TRPS1: variants seen among roughly 807,000 people sequenced by gnomAD.
The protein encoded by TRPS1 is transcriptional repressor GATA binding 1.
A neutral mutation model predicts 101.2 loss-of-function variants in TRPS1; 6 were observed. That is an observed-to-expected ratio of 0.06 (90% confidence interval 0.03 to 0.12). The LOEUF is 0.12. Ranked by LOEUF, TRPS1 falls within the 10% of genes least tolerant of loss-of-function variation. TRPS1 has a pLI of 1.00. For missense variants in TRPS1, 1,363 were observed against 1,567.0 expected (o/e 0.87, Z 2.20); for synonymous variants, 578 against 589.8 (o/e 0.98, Z 0.29).
chr8:115,584,308 G>A (rs1485063441), intron 5 of TRPS1, among the ~76,000 whole-genome samples: 5 of 151,728 alleles, frequency 3.3e-5, no homozygotes, highest in African/African-American at 1.2e-4. Flanking sequence ...CTCTATTAAT[G>A]CTATATTGAA....
chr8:115,535,216 T>C (rs1816262847), intron 5 of TRPS1, among the ~76,000 whole-genome samples: 1 of 144,558 alleles, frequency 6.9e-6, no homozygotes, highest in South Asian at 2.1e-4. Flanking sequence ...ATGTATAGCA[T>C]ATATAGCATA....
intron 1 of TRPS1, among the ~76,000 whole-genome samples, chr8:115,627,429 T>C (rs145660788): frequency 1.3e-5 from 2 of 151,920 alleles, no homozygotes; most frequent in African/African-American, 2.4e-5. Flanking sequence ...ACTTCATCCC[T>C]ACTTCTCTGT....
chr8:115,535,293 T>TAGCATATATAGAGCATATATAG lies in TRPS1; in HGVS notation c.2700+51707_2700+51708insCTATATATGCTCTATATATGCT, dbSNP rs1563583083. 7.1e-3 allele frequency among the ~76,000 whole-genome samples: 753 copies of TAGCATATATAGAGCATATATAG among 106,470 alleles called. 72 individuals are homozygous for TAGCATATATAGAGCATATATAG. Among genetic ancestry groups the TAGCATATATAGAGCATATATAG allele is most frequent in the African/African-American group, 0.022 (671 of 30,334 alleles). 69.8% of individuals were successfully genotyped at this position (106,470 alleles called of 152,430 possible). A position where few individuals can be genotyped will look rare whatever the true frequency, so the allele number is the denominator to read the frequency against. Reference sequence around the variant, plus strand: ...ATATATAGCATATATAGCATATATATAGCATATATATAGCATATATAGCAT... The same window carrying TAGCATATATAGAGCATATATAG: ...ATATATAGCATATATAGCATATATATAGCATATATAGAGCATATATAGAGCATATATATAGCATATATAGCAT... On this transcript the variant is annotated intron_variant, in intron 5 of 6. Coordinates refer to ENST00000395715, the MANE Select transcript of TRPS1 (RefSeq NM_014112.5).
intron 5 of TRPS1, among the ~76,000 whole-genome samples, chr8:115,518,510 G>A (rs1055344764): frequency 5.9e-5 from 9 of 151,618 alleles, no homozygotes; most frequent in South Asian, 2.1e-4. Context: ...TTTAAATTCC[G>A]TAATTTGCTG....
intron 1 of TRPS1, among the ~76,000 whole-genome samples, chr8:115,667,502 C>G (rs1811951401): frequency 6.6e-6 from 1 of 152,218 alleles, no homozygotes; most frequent in African/African-American, 2.4e-5. Flanking sequence ...CCACCGCTGT[C>G]AGGCATTTAA....
chr8:115,469,328 G>T (rs922767075), intron 5 of TRPS1, among the ~76,000 whole-genome samples: 1 of 152,152 alleles, frequency 6.6e-6, no homozygotes, highest in African/African-American at 2.4e-5. Context: ...AAATTAACTA[G>T]AACATCATTA....
At chr8:115,583,096 A>G (rs894127996) in intron 5 of TRPS1, among the ~76,000 whole-genome samples, 1 of 152,184 alleles carries the variant, frequency 6.6e-6, no homozygotes, top group African/African-American at 2.4e-5. Flanking sequence ...TTGGATCCTT[A>G]TTCATGTAGT....
chr8:115,567,905 T>C (rs1010016162), intron 5 of TRPS1, among the ~76,000 whole-genome samples: 1 of 152,164 alleles, frequency 6.6e-6, no homozygotes, highest in Non-Finnish European at 1.5e-5. Flanking sequence ...GAGTATTGAA[T>C]ACAGTGATCT....
intron 1 of TRPS1, among the ~76,000 whole-genome samples, chr8:115,633,820 A>C (rs765437212): frequency 1.7e-4 from 26 of 152,202 alleles, no homozygotes; most frequent in Non-Finnish European, 2.8e-4. Flanking sequence ...AAATCTATGT[A>C]ATATCAGTAG....
chr8:115,415,190 A>G (rs1310909636), intron 6 of TRPS1, 106 bp from the exon 7 acceptor site: 3 of 1,207,486 alleles, frequency 2.5e-6, no homozygotes, highest in Non-Finnish European at 2.3e-6. Context: ...CAAAGCAGGG[A>G]TAGGCTTTCT....
chr8:115,419,561 T>G (rs1813002075), intron 5 of TRPS1, among the ~76,000 whole-genome samples: 2 of 152,256 alleles, frequency 1.3e-5, no homozygotes, highest in Admixed American at 6.5e-5. Flanking sequence ...TTCATAAAAT[T>G]TAGGCAATTT....
intron 5 of TRPS1, among the ~76,000 whole-genome samples, chr8:115,420,977 C>T (rs1302419530): frequency 6.6e-6 from 1 of 151,446 alleles, no homozygotes; most frequent in East Asian, 1.9e-4. Flanking sequence ...ACAGTGTGAG[C>T]TACTGTGATT....
intron 5 of TRPS1, among the ~76,000 whole-genome samples, chr8:115,424,887 TAA>T (rs1813151145): frequency 1.3e-5 from 2 of 152,344 alleles, no homozygotes; most frequent in South Asian, 2.1e-4. Flanking sequence ...CATAATTCAA[TAA>T]GTGTTGAATA....
chr8:115,531,981 G>T (rs1816144263), intron 5 of TRPS1, among the ~76,000 whole-genome samples: 1 of 152,082 alleles, frequency 6.6e-6, no homozygotes, highest in African/African-American at 2.4e-5. Context: ...TTGCCATGAG[G>T]AATGACGAAA....
At chr8:115,585,338 A>G (rs1169374210) in intron 5 of TRPS1, among the ~76,000 whole-genome samples, 1 of 152,220 alleles carries the variant, frequency 6.6e-6, no homozygotes, top group Non-Finnish European at 1.5e-5. Flanking sequence ...ATAAATTGTC[A>G]TTTCAAAGTC....
At chr8:115,434,942 G>A (rs1362894266) in intron 5 of TRPS1, among the ~76,000 whole-genome samples, 1 of 152,146 alleles carries the variant, frequency 6.6e-6, no homozygotes, top group African/African-American at 2.4e-5. Flanking sequence ...CTTAGGAAAA[G>A]AGTCTGCTTC....
intron 1 of TRPS1, among the ~76,000 whole-genome samples, chr8:115,667,602 G>C (rs1456586283): frequency 6.6e-6 from 1 of 152,212 alleles, no homozygotes; most frequent in Non-Finnish European, 1.5e-5. Flanking sequence ...CCCTACGGAA[G>C]CGCCCGGGCT....
At chr8:115,532,525 G>A (rs1036621624) in intron 5 of TRPS1, among the ~76,000 whole-genome samples, 12 of 152,222 alleles carry the variant, frequency 7.9e-5, no homozygotes, top group East Asian at 1.9e-4. Context: ...ATAATATGGT[G>A]CCATTTTAGA....
At chr8:115,425,943 G>A (rs1488340012) in intron 5 of TRPS1, among the ~76,000 whole-genome samples, 3 of 152,172 alleles carry the variant, frequency 2.0e-5, no homozygotes, top group Non-Finnish European at 2.9e-5. Context: ...CTGTAATAAT[G>A]TTCTGCCTTT....
Sources: allele counts gnomAD v4.1 joint callset (sites outside exome capture counted in the v4.1 genomes callset), GRCh38; gene constraint gnomAD v4.1.1; transcripts MANE v1.5; gene names NCBI Gene and HGNC (gene_info 2026-07-23, HGNC 2026-07-21).